Variants in DOCK1 observed in about 807,000 individuals in gnomAD.
The protein encoded by DOCK1 is dedicator of cytokinesis protein 1.
A neutral mutation model predicts 262.7 loss-of-function variants in DOCK1; 138 were observed. The ratio of observed to expected loss-of-function variants is 0.53; its 90% CI spans 0.46 to 0.61. DOCK1 has a LOEUF of 0.61. DOCK1 is among the 20% of genes least tolerant of loss of function. The probability of loss-of-function intolerance (pLI) is 0.00; values close to 1 mark genes in which losing one functional copy is unlikely to be tolerated. For synonymous variants in DOCK1, 866 were observed against 867.4 expected, an observed-to-expected ratio of 1.00 and a Z score of 0.03; for missense variants, 1,908 against 2,370.7, an observed-to-expected ratio of 0.80 and a Z score of 4.05.
At chr10:126,960,276 G>T (rs1404260235) in intron 1 of DOCK1, among the ~76,000 whole-genome samples, 3 of 152,018 alleles carry the variant, frequency 2.0e-5, no homozygotes, top group African/African-American at 7.2e-5. Context: ...CAGGTGTGAG[G>T]TACAGAGAGG....
Position 126,966,737 on chromosome 10 carries a change from A to G in DOCK1, c.47-3965A>G, listed in dbSNP as rs925843377. 2.1e-4 allele frequency among the ~76,000 whole-genome samples: 32 copies of G among 152,200 alleles called. 1 individual carries two copies. The highest frequency in any genetic ancestry group is 2.1e-3 in the Admixed American group (32 of 15,278). ...CATGAGGCATGAGTGCAGCCTGTTA[A>G]TTTTTTATTTTAGGGAAAAGATCCA... On this transcript the variant is annotated intron_variant, in intron 1 of 51. Transcript: ENST00000623213.
intron 27 of DOCK1, among the ~76,000 whole-genome samples, chr10:127,138,318 C>A (rs2050887766): frequency 6.6e-6 from 1 of 152,046 alleles, no homozygotes; most frequent in African/African-American, 2.4e-5. Context: ...ATGAATAACC[C>A]CATTGTTTGT....
At chr10:127,353,443 C>T (rs747895894) in intron 31 of DOCK1, among the ~76,000 whole-genome samples, 1 of 152,160 alleles carries the variant, frequency 6.6e-6, no homozygotes, top group Non-Finnish European at 1.5e-5. Flanking sequence ...TCTCTCCCAC[C>T]CACCCAAGTC....
intron 1 of DOCK1, among the ~76,000 whole-genome samples, chr10:126,918,871 C>G (rs1591310102): frequency 6.6e-6 from 1 of 151,746 alleles, no homozygotes; most frequent in East Asian, 1.9e-4. Flanking sequence ...CTTGGTCTGG[C>G]AGGGTGTGCA....
rs773989446 is a variant in DOCK1, at chr10:127,451,300, T to C, written c.5566-32T>C. ...GTCTTTTCTGTCAGGACATCAGTTA[T>C]GTGACATCTTCCCCATCCTCATGTT... On this transcript the variant is annotated intron_variant, in intron 51 of 51. Transcript: ENST00000623213. The C allele has an allele frequency of 1.5e-5, 23 of 1,565,046 alleles. 1 individual carries two copies. The South Asian group carries it at 2.2e-4, about 15-fold the overall frequency.
intron 12 of DOCK1, among the ~76,000 whole-genome samples, chr10:127,013,268 G>A (rs2041612616): frequency 6.6e-6 from 1 of 152,064 alleles, no homozygotes; most frequent in African/African-American, 2.4e-5. Flanking sequence ...ACGTTAATGA[G>A]ATGTGGCCTC....
intron 32 of DOCK1, among the ~76,000 whole-genome samples, chr10:127,356,338 C>T (rs1255029907): frequency 6.6e-6 from 1 of 152,212 alleles, no homozygotes; most frequent in Non-Finnish European, 1.5e-5. Context: ...ATGGCTCAGT[C>T]TTTCTGGGCC....
intron 25 of DOCK1, among the ~76,000 whole-genome samples, chr10:127,122,171 C>G (rs944801401): frequency 5.3e-5 from 8 of 152,212 alleles, no homozygotes; most frequent in African/African-American, 1.9e-4. Flanking sequence ...CTGCCTTCAG[C>G]TTCGGTCCTC....
chr10:126,909,676 T>A (rs2031475861), intron 1 of DOCK1, among the ~76,000 whole-genome samples: 1 of 152,188 alleles, frequency 6.6e-6, no homozygotes, highest in South Asian at 2.1e-4. Flanking sequence ...TTCTTAGCCT[T>A]GGTTTTCTCA....
chr10:127,380,146 G>A (rs747779641), intron 36 of DOCK1, 24 bp downstream of exon 36: 4 of 1,435,836 alleles, frequency 2.8e-6, no homozygotes, highest in Non-Finnish European at 3.7e-6. Context: ...ACGCTTGTCT[G>A]CATGTTAATT....
chr10:127,364,301 AG>A (rs1301947016), intron 33 of DOCK1, among the ~76,000 whole-genome samples: 2 of 152,226 alleles, frequency 1.3e-5, no homozygotes, highest in African/African-American at 4.8e-5. Flanking sequence ...ATTGCAGAGG[AG>A]CCTAACACCT....
chr10:127,145,381 G>T (rs1257354007), intron 27 of DOCK1, among the ~76,000 whole-genome samples: 1 of 152,220 alleles, frequency 6.6e-6, no homozygotes, highest in Non-Finnish European at 1.5e-5. Context: ...AAGCCAGGAA[G>T]ACGAGTCATG....
rs1250078242 is a variant in DOCK1, at chr10:126,943,677, A to G, written c.47-27025A>G. Among the ~76,000 whole-genome samples the G allele has an allele frequency of 3.9e-5, 6 of 152,180 alleles. No homozygotes were observed. In the East Asian group the frequency reaches 1.2e-3, roughly 29 times the overall value. ...ATTGGCAAGTAAGTAGGCAGCCACA[A>G]GACAGCTGTGAATGGTAGGAGGGAG... On this transcript the variant is annotated intron_variant, in intron 1 of 51. Transcript: ENST00000623213.
chr10:127,244,094 AT>A (rs1410322041), intron 27 of DOCK1, among the ~76,000 whole-genome samples: 1 of 152,146 alleles, frequency 6.6e-6, no homozygotes, highest in Non-Finnish European at 1.5e-5. Context: ...ACAAGTTATG[AT>A]TGCTTGACTT....
intron 1 of DOCK1, among the ~76,000 whole-genome samples, chr10:126,970,033 T>C (rs1565016675): frequency 6.6e-6 from 1 of 152,158 alleles, no homozygotes; most frequent in African/African-American, 2.4e-5. Flanking sequence ...TGAATACTTT[T>C]TGGGCCTTAA....
intron 2 of DOCK1, among the ~76,000 whole-genome samples, chr10:126,975,620 TTTC>T (rs1464001993): frequency 6.6e-6 from 1 of 151,984 alleles, no homozygotes; most frequent in Non-Finnish European, 1.5e-5. Context: ...GCTCATTTTC[TTTC>T]TTTTCTTTTT....
chr10:127,299,046 G>A (rs1286720639), intron 29 of DOCK1, among the ~76,000 whole-genome samples: 3 of 152,158 alleles, frequency 2.0e-5, no homozygotes, highest in African/African-American at 7.2e-5. Flanking sequence ...TTTGGAAATA[G>A]GGTCTTTGCA....
chr10:127,256,658 C>T (rs541954205), intron 28 of DOCK1, among the ~76,000 whole-genome samples: 12 of 152,298 alleles, frequency 7.9e-5, no homozygotes, highest in African/African-American at 2.6e-4. Flanking sequence ...ATGTCAGGCA[C>T]ATTCCATGGA....
chr10:127,427,484 T>C (rs565924737), intron 47 of DOCK1, among the ~76,000 whole-genome samples: 1 of 152,188 alleles, frequency 6.6e-6, no homozygotes, highest in Non-Finnish European at 1.5e-5. Context: ...GTATAGATAC[T>C]CAGTTGCTTA....
Sources: gnomAD v4.1 joint callset for allele counts (sites outside exome capture counted in the v4.1 genomes callset) on GRCh38, gnomAD v4.1.1 for gene constraint, MANE v1.5 for transcripts, NCBI Gene and HGNC (gene_info 2026-07-23, HGNC 2026-07-21) for gene names.